SLC71A2: variants seen among roughly 807,000 people sequenced by gnomAD.
SLC71A2 encodes the protein solute carrier family 71 member 2, also known as hippocampus abundant transcript-like 1.
chr9:94,459,282 G>T, the SLC71A2 span: 2 of 1,614,130 alleles, frequency 1.2e-6, no homozygotes, highest in East Asian at 4.5e-5. Flanking sequence ...CACAGTAACA[G>T]CAGCAGCGGC....
chr9:94,423,435 C>T, the SLC71A2 span, among the ~76,000 whole-genome samples: 1 of 152,162 alleles, frequency 6.6e-6, no homozygotes, highest in Non-Finnish European at 1.5e-5. Context: ...TAGGTCTACC[C>T]AGATAACCCG....
At chr9:94,423,913 G>C in the SLC71A2 span, among the ~76,000 whole-genome samples, 6 of 151,052 alleles carry the variant, frequency 4.0e-5, no homozygotes, top group Non-Finnish European at 8.9e-5. Flanking sequence ...CTTATGGTTA[G>C]TGTTTTTAAA....
the SLC71A2 span, among the ~76,000 whole-genome samples, chr9:94,439,124 C>T: frequency 6.9e-6 from 1 of 144,076 alleles, no homozygotes; most frequent in African/African-American, 2.6e-5. Flanking sequence ...CAGGTTCAAG[C>T]AATTCTCCTG....
the SLC71A2 span, chr9:94,438,585 T>C: frequency 1.0e-5 from 16 of 1,602,236 alleles, no homozygotes; most frequent in African/African-American, 2.0e-4. Flanking sequence ...ATGTAAATTA[T>C]ACTTATATTT....
the SLC71A2 span, among the ~76,000 whole-genome samples, chr9:94,439,058 G>C: frequency 9.3e-6 from 1 of 107,308 alleles, no homozygotes; most frequent in African/African-American, 3.6e-5. Flanking sequence ...GTCTTGCCCT[G>C]TTGACTAGGC....
chr9:94,383,941 C>A, the SLC71A2 span, among the ~76,000 whole-genome samples: 2 of 152,016 alleles, frequency 1.3e-5, no homozygotes, highest in African/African-American at 4.8e-5. Context: ...TTTAAATTCA[C>A]AATTGTTTGT....
the SLC71A2 span, among the ~76,000 whole-genome samples, chr9:94,385,220 C>T: frequency 6.6e-6 from 1 of 152,190 alleles, no homozygotes; most frequent in Non-Finnish European, 1.5e-5. Context: ...CTTTGATGCA[C>T]ATAAGTTTTA....
the SLC71A2 span, among the ~76,000 whole-genome samples, chr9:94,450,917 C>T: frequency 8.0e-3 from 1,217 of 152,256 alleles, 18 homozygotes; most frequent in African/African-American, 0.028. Context: ...TTAGAATCAC[C>T]ATGGGAGCTT....
the SLC71A2 span, among the ~76,000 whole-genome samples, chr9:94,451,108 C>G: frequency 1.3e-5 from 2 of 152,176 alleles, no homozygotes; most frequent in African/African-American, 4.8e-5. Context: ...ATGAGCAATG[C>G]TGTATTGGCA....
chr9:94,439,167 G>A, the SLC71A2 span, among the ~76,000 whole-genome samples: 20 of 151,824 alleles, frequency 1.3e-4, no homozygotes, highest in African/African-American at 4.3e-4. Context: ...GACTACAGAC[G>A]CCCGGCTAAT....
chr9:94,449,561 G>A, the SLC71A2 span, among the ~76,000 whole-genome samples: 1 of 152,190 alleles, frequency 6.6e-6, no homozygotes, highest in Non-Finnish European at 1.5e-5. Flanking sequence ...ACATGTTCTA[G>A]GATGGCTATC....
the SLC71A2 span, among the ~76,000 whole-genome samples, chr9:94,399,035 C>T: frequency 2.6e-5 from 4 of 151,416 alleles, no homozygotes; most frequent in Non-Finnish European, 5.9e-5. Flanking sequence ...AGGCTGGTTT[C>T]GAACTCCTGA....
the SLC71A2 span, chr9:94,445,018 C>G: frequency 2.5e-6 from 4 of 1,614,184 alleles, no homozygotes; most frequent in Non-Finnish European, 2.5e-6. Flanking sequence ...TGGAGCATAT[C>G]TTTCTGCCAG....
the SLC71A2 span, among the ~76,000 whole-genome samples, chr9:94,413,658 T>TC: frequency 1.4e-4 from 1 of 7,240 alleles, no homozygotes; most frequent in South Asian, 5.6e-3. Context: ...AGACTTCATC[T>TC]CAAAAAAAAA....
the SLC71A2 span, among the ~76,000 whole-genome samples, chr9:94,399,807 CTTT>C: frequency 5.7e-5 from 8 of 140,794 alleles, no homozygotes; most frequent in Non-Finnish European, 3.1e-5. Flanking sequence ...GGGAAAAAGC[CTTT>C]TTTTTTTTTT....
chr9:94,402,667 A>G, the SLC71A2 span, among the ~76,000 whole-genome samples: 1 of 152,124 alleles, frequency 6.6e-6, no homozygotes, highest in Non-Finnish European at 1.5e-5. Flanking sequence ...TTCACTTACC[A>G]GTGTCTTTTG....
chr9:94,421,932 G>A, the SLC71A2 span, among the ~76,000 whole-genome samples: 194 of 151,098 alleles, frequency 1.3e-3, no homozygotes, highest in Non-Finnish European at 2.6e-3. Flanking sequence ...CTTTTCCTCC[G>A]AGACAGAGCC....
chr9:94,436,914 G>A, the SLC71A2 span, among the ~76,000 whole-genome samples: 6 of 152,226 alleles, frequency 3.9e-5, no homozygotes, highest in Non-Finnish European at 8.8e-5. Flanking sequence ...AAGAAGAAAT[G>A]TCATCCTTCT....
At chr9:94,457,153 A>G in the SLC71A2 span, among the ~76,000 whole-genome samples, 1 of 152,094 alleles carries the variant, frequency 6.6e-6, no homozygotes, top group Admixed American at 6.5e-5. Context: ...TTTAGTGGAG[A>G]TGGGGTTTCG....
Sources: allele counts gnomAD v4.1 joint callset (sites outside exome capture counted in the v4.1 genomes callset), GRCh38; gene constraint gnomAD v4.1.1; transcripts MANE v1.5; gene names NCBI Gene and HGNC (gene_info 2026-07-23, HGNC 2026-07-21).